The following CELF4 variants were observed in gnomAD, a reference collection of about 807,000 sequenced individuals.
The protein encoded by CELF4 is CUG-BP- and ETR-3-like factor 4.
CELF4 carries 18 observed loss-of-function variants against 59.9 expected under a neutral mutation model. The observed-to-expected ratio is 0.30, with a 90% CI of 0.21 to 0.45. The LOEUF (loss-of-function observed/expected upper bound fraction) is 0.45, where lower values mean the gene tolerates loss of function less well. CELF4 is among the 20% of genes least tolerant of loss of function. CELF4 has a pLI of 1.00. For synonymous variants in CELF4, 261 were observed against 267.1 expected (o/e 0.98, Z 0.22); for missense variants, 456 against 689.0 (o/e 0.66, Z 3.79).
intron 3 of CELF4, among the ~76,000 whole-genome samples, chr18:37,311,851 C>T (rs1326139991): frequency 1.3e-5 from 2 of 149,576 alleles, no homozygotes; most frequent in Non-Finnish European, 3.0e-5. Flanking sequence ...GTGGCTTATG[C>T]CTATAATCCC....
intron 1 of CELF4, among the ~76,000 whole-genome samples, chr18:37,553,143 G>A (rs1010206272): frequency 1.3e-5 from 2 of 152,156 alleles, no homozygotes; most frequent in Admixed American, 1.3e-4. Flanking sequence ...TATTGAAATA[G>A]TCAAGATGAC....
chr18:37,445,388 G>C (rs2099745380), intron 2 of CELF4, among the ~76,000 whole-genome samples: 1 of 151,996 alleles, frequency 6.6e-6, no homozygotes, highest in African/African-American at 2.4e-5. Context: ...CCCTGAGTTG[G>C]GTTTGGGGTC....
At chr18:37,463,585 G>A (rs2099799646) in intron 2 of CELF4, among the ~76,000 whole-genome samples, 1 of 152,160 alleles carries the variant, frequency 6.6e-6, no homozygotes, top group South Asian at 2.1e-4. Flanking sequence ...TGGGCCAAAG[G>A]GTCCTGCCTG....
chr18:37,303,111 T>C (rs1266321034), intron 3 of CELF4, among the ~76,000 whole-genome samples: 1 of 152,160 alleles, frequency 6.6e-6, no homozygotes, highest in African/African-American at 2.4e-5. Context: ...ACCATTGTTC[T>C]CAGCACTTCC....
intron 2 of CELF4, among the ~76,000 whole-genome samples, chr18:37,470,887 T>TGAGAGAGAGAGAGAGAGAGA (rs1557426553): frequency 2.6e-4 from 19 of 71,916 alleles, no homozygotes; most frequent in South Asian, 5.9e-4. Flanking sequence ...TGTGTGTGTG[T>TGAGAGAGAGAGAGAGAGAGA]GACAGAGAGA....
Position 37,454,496 on chromosome 18 carries a change from C to A in CELF4, c.369+31029G>T, listed in dbSNP as rs769677139. On this transcript the variant is annotated intron_variant, in intron 2 of 12. Transcript: ENST00000420428. ...ATGGTTCTTGTCATGCATCTTGTGA[C>A]CTTATCTGTTGTGAGCACCTTGAAG... is the stretch of plus-strand genomic sequence containing the variant. Among the ~76,000 whole-genome samples, 3 of 152,108 alleles carry A rather than the reference C, an allele frequency of 2.0e-5. No individual in the cohort carries two copies. In the East Asian group the frequency reaches 5.8e-4, roughly 29 times the overall value.
intron 10 of CELF4, among the ~76,000 whole-genome samples, chr18:37,259,896 A>C (rs2073222537): frequency 6.6e-6 from 1 of 152,214 alleles, no homozygotes; most frequent in African/African-American, 2.4e-5. Flanking sequence ...GAAGCGCTGC[A>C]ACTGAGGCTC....
chr18:37,275,111 G>T lies in CELF4; in HGVS notation c.577+4C>A, dbSNP rs1326875614. 2 of 1,612,512 alleles carry T rather than the reference G, an allele frequency of 1.2e-6. No homozygotes were observed. Among genetic ancestry groups the T allele is most frequent in the Non-Finnish European group, 8.5e-7 (1 of 1,179,490 alleles). ...GGCATCCCTCCCGGCCCCGCCCCGC[G>T]CACCCTTGCTGTTGCCGTCGGGCCC... On this transcript the variant is annotated splice_donor_region_variant and intron_variant, in intron 4 of 12. Coordinates refer to ENST00000420428, the MANE Select transcript of CELF4 (RefSeq NM_020180.4).
At chr18:37,483,511 C>G (rs2099874739) in intron 2 of CELF4, among the ~76,000 whole-genome samples, 1 of 152,166 alleles carries the variant, frequency 6.6e-6, no homozygotes, top group African/African-American at 2.4e-5. Context: ...CTATCTTCCC[C>G]CCTCCCCGTC....
intron 1 of CELF4, among the ~76,000 whole-genome samples, chr18:37,497,317 A>T (rs973567122): frequency 1.3e-5 from 2 of 152,194 alleles, no homozygotes; most frequent in Non-Finnish European, 2.9e-5. Flanking sequence ...CCATTTATTG[A>T]TGGTCCACAA....
chr18:37,453,192 G>A (rs149158491), intron 2 of CELF4, among the ~76,000 whole-genome samples: 1 of 152,334 alleles, frequency 6.6e-6, no homozygotes, highest in Non-Finnish European at 1.5e-5. Context: ...TCATACTTCT[G>A]GGAAACCTCT....
At chr18:37,270,616 G>A in intron 8 of CELF4, 152 bp downstream of exon 8, 3 of 899,848 alleles carry the variant, frequency 3.3e-6, no homozygotes, top group Non-Finnish European at 5.1e-6. Flanking sequence ...CCTGAAGGAA[G>A]ATGGGAGGCT....
rs1176940610 is a variant in CELF4, at chr18:37,452,408, C to A, written c.369+33117G>T. Among the ~76,000 whole-genome samples the A allele has an allele frequency of 2.6e-5, 4 of 152,154 alleles. No individual in the cohort carries two copies. In the East Asian group the frequency reaches 7.8e-4, roughly 30 times the overall value. ...CTTGGTGGTCAAGCTCAAGGAACCCCAAGGTGGACCCAGAGGCCTGTGGCT... is the reference window on the plus strand; with the variant it reads ...CTTGGTGGTCAAGCTCAAGGAACCCAAAGGTGGACCCAGAGGCCTGTGGCT... On this transcript the variant is annotated intron_variant, in intron 2 of 12. Transcript: ENST00000420428.
intron 12 of CELF4, among the ~76,000 whole-genome samples, chr18:37,249,706 C>T (rs916194340): frequency 6.6e-6 from 1 of 152,124 alleles, no homozygotes; most frequent in Non-Finnish European, 1.5e-5. Context: ...GGTGGAGGCT[C>T]ACAGAGCACA....
intron 1 of CELF4, among the ~76,000 whole-genome samples, chr18:37,537,813 C>T (rs544740717): frequency 1.3e-5 from 2 of 152,350 alleles, no homozygotes; most frequent in South Asian, 2.1e-4. Context: ...AGGTGCCCAC[C>T]TGATCTGGGA....
intron 2 of CELF4, among the ~76,000 whole-genome samples, chr18:37,468,540 G>A (rs944408885): frequency 1.3e-5 from 2 of 152,142 alleles, no homozygotes; most frequent in African/African-American, 4.8e-5. Context: ...CTGTTTTCTG[G>A]AAGATGGATG....
chr18:37,351,446 C>T (rs1016213972), intron 2 of CELF4, among the ~76,000 whole-genome samples: 5 of 152,200 alleles, frequency 3.3e-5, no homozygotes, highest in Non-Finnish European at 7.3e-5. Flanking sequence ...CTGCCCTGAA[C>T]CTACTGCCCA....
chr18:37,265,156 ATG>A (rs955736094), intron 9 of CELF4, among the ~76,000 whole-genome samples: 2 of 146,748 alleles, frequency 1.4e-5, no homozygotes, highest in South Asian at 2.2e-4. Context: ...GTGTGGGTGT[ATG>A]TGTGTGCGTG....
At position 37,430,193 on chromosome 18, in the gene CELF4, A is replaced by G. The variant is rs150311570; in HGVS notation, c.369+55332T>C. Reference sequence around the variant, plus strand: ...GCAGGAACCACACAGCCTCCTGCCCAGTCCCATGCCTCCCACCTTTGCAGC... The same window carrying G: ...GCAGGAACCACACAGCCTCCTGCCCGGTCCCATGCCTCCCACCTTTGCAGC... On this transcript the variant is annotated intron_variant, in intron 2 of 12. Coordinates refer to ENST00000420428, the MANE Select transcript of CELF4 (RefSeq NM_020180.4). Among the ~76,000 whole-genome samples the G allele has an allele frequency of 7.9e-5, 12 of 152,294 alleles. No individual in the cohort carries two copies. The East Asian group carries it at 2.1e-3, about 27-fold the overall frequency.
Sources: gnomAD v4.1 joint callset for allele counts (sites outside exome capture counted in the v4.1 genomes callset) on GRCh38, gnomAD v4.1.1 for gene constraint, MANE v1.5 for transcripts, NCBI Gene and HGNC (gene_info 2026-07-23, HGNC 2026-07-21) for gene names.